Variants in OMA1 observed in about 807,000 individuals in gnomAD.
OMA1 encodes the protein OMA1 zinc metallopeptidase, also known as metalloendopeptidase OMA1, mitochondrial.
Under a neutral mutation model 30.9 loss-of-function variants are expected in OMA1, and 38 were observed. The ratio of observed to expected loss-of-function variants is 1.23; its 90% CI spans 0.95 to 1.61. OMA1 has a LOEUF of 1.61. Among genes scored for constraint, OMA1 ranks in the 40% most tolerant of loss-of-function variants. The pLI, the probability that OMA1 is intolerant of heterozygous loss-of-function variation, is 0.00. For synonymous variants in OMA1, 173 were observed against 121.9 expected (o/e 1.42, Z -2.76); for missense variants, 461 against 349.2 (o/e 1.32, Z -2.55).
At chr1:58,533,343 T>C (rs1646465800) in intron 5 of OMA1, among the ~76,000 whole-genome samples, 1 of 152,242 alleles carries the variant, frequency 6.6e-6, no homozygotes, top group Non-Finnish European at 1.5e-5. Flanking sequence ...AGGTTAGTCA[T>C]GTTACTGTTT....
intron 8 of OMA1, among the ~76,000 whole-genome samples, chr1:58,486,749 C>T (rs961554147): frequency 6.6e-5 from 10 of 152,126 alleles, no homozygotes; most frequent in African/African-American, 2.2e-4. Flanking sequence ...TCAAAGAAAG[C>T]CTCCCCAGGA....
Position 58,482,945 on chromosome 1 carries a change from G to T in OMA1, c.1366-1771C>A, listed in dbSNP as rs147362525. On this transcript the variant is annotated intron_variant, in intron 8 of 8. Coordinates refer to ENST00000371226, the MANE Select transcript of OMA1 (RefSeq NM_145243.5). ...CTAATATTTGTGGGGTCCATGGAAA[G>T]AATGAAAATGGAGGCCCAGATACCA... Among the ~76,000 whole-genome samples the T allele has an allele frequency of 1.6e-3, 245 of 152,254 alleles. 1 individual carries two copies. The highest frequency in any genetic ancestry group is 5.8e-3 in the African/African-American group (240 of 41,552).
rs1646367639 is a variant in OMA1, at chr1:58,527,304, A to G, written c.1172T>C (p.Leu391Ser). The change falls in exon 7 of 9, where the codon TTG becomes TCG. Residue 391 changes from leucine to serine, a missense_variant. By Grantham distance (145) the Leu-to-Ser change is moderately radical (BLOSUM62 -2). Transcript: ENST00000371226. ...YMFNRPYSRK[L>S]EAEADKIGLL... ...TCCAATTTTGTCAGCTTCGGCCTCC[A>G]ATTTTCTGCTGTATGGTCTATTAAA... is the stretch of plus-strand genomic sequence containing the variant. The G allele has an allele frequency of 1.1e-6, 1 of 872,166 alleles. No homozygotes were observed. The highest frequency in any genetic ancestry group is 1.7e-5 in the Admixed American group (1 of 59,172). The allele number at this position is 872,166 out of a possible 1,614,324, so 54.0% of individuals were successfully genotyped here.
intron 8 of OMA1, among the ~76,000 whole-genome samples, chr1:58,505,215 A>G (rs1353852626): frequency 2.0e-5 from 3 of 152,178 alleles, no homozygotes; most frequent in Non-Finnish European, 2.9e-5. Flanking sequence ...GCCTCCCAAA[A>G]TGCTGGGATA....
intron 8 of OMA1, among the ~76,000 whole-genome samples, chr1:58,486,859 A>G (rs908214776): frequency 1.3e-5 from 2 of 152,176 alleles, no homozygotes; most frequent in Non-Finnish European, 2.9e-5. Context: ...TGGGGGACAT[A>G]CCCTGGTCTT....
chr1:58,483,347 T>C (rs925693355), intron 8 of OMA1, among the ~76,000 whole-genome samples: 2 of 152,128 alleles, frequency 1.3e-5, no homozygotes, highest in Non-Finnish European at 2.9e-5. Flanking sequence ...AACATTTCAT[T>C]GAGTCCCACA....
chr1:58,543,223 C>T (rs537980805), intron 1 of OMA1, among the ~76,000 whole-genome samples: 3 of 152,230 alleles, frequency 2.0e-5, no homozygotes, highest in South Asian at 2.1e-4. Context: ...ATCTCTAAGA[C>T]GTTTACATGG....
intron 8 of OMA1, among the ~76,000 whole-genome samples, chr1:58,483,374 A>G (rs891428377): frequency 1.3e-5 from 2 of 152,166 alleles, no homozygotes; most frequent in Non-Finnish European, 2.9e-5. Flanking sequence ...AGGGACTTGT[A>G]GTCAGATGCG....
At chr1:58,488,977 C>A (rs1169182224) in intron 8 of OMA1, among the ~76,000 whole-genome samples, 1 of 152,196 alleles carries the variant, frequency 6.6e-6, no homozygotes, top group Non-Finnish European at 1.5e-5. Context: ...CCAAGATGGC[C>A]AAATAGGAAC....
chr1:58,519,163 T>C (rs1296794242), intron 7 of OMA1, among the ~76,000 whole-genome samples: 1 of 152,138 alleles, frequency 6.6e-6, no homozygotes, highest in Non-Finnish European at 1.5e-5. Context: ...TTTTTAAAAG[T>C]CTCCACAATG....
At chr1:58,490,413 A>T (rs946302331) in intron 8 of OMA1, among the ~76,000 whole-genome samples, 3 of 152,332 alleles carry the variant, frequency 2.0e-5, no homozygotes, top group African/African-American at 7.2e-5. Flanking sequence ...AAAGAAATGA[A>T]CAAAGCCTCC....
At chr1:58,519,373 T>C (rs894059779) in intron 7 of OMA1, among the ~76,000 whole-genome samples, 1 of 152,162 alleles carries the variant, frequency 6.6e-6, no homozygotes, top group Non-Finnish European at 1.5e-5. Context: ...ACAGGATTCA[T>C]CTGCAGACAC....
At chr1:58,521,470 TAG>T (rs1452686846) in intron 7 of OMA1, among the ~76,000 whole-genome samples, 1 of 150,954 alleles carries the variant, frequency 6.6e-6, no homozygotes, top group Admixed American at 6.6e-5. Context: ...AATTATATAA[TAG>T]AGACAATAAG....
intron 8 of OMA1, among the ~76,000 whole-genome samples, chr1:58,487,282 A>G (rs1390093362): frequency 1.3e-5 from 2 of 152,238 alleles, no homozygotes; most frequent in African/African-American, 4.8e-5. Context: ...ACTGAAGATG[A>G]GTCCTAAATT....
chr1:58,544,968 T>TG (rs1357963170), intron 1 of OMA1, among the ~76,000 whole-genome samples: 1 of 152,152 alleles, frequency 6.6e-6, no homozygotes, highest in Admixed American at 6.5e-5. Flanking sequence ...TTTTAACTCC[T>TG]GGGCTCAACT....
At chr1:58,539,412 CAT>C in intron 1 of OMA1, 102 bp from the exon 2 acceptor site, 1 of 635,652 alleles carries the variant, frequency 1.6e-6, no homozygotes, top group South Asian at 2.0e-5. Context: ...TCTTCTAACA[CAT>C]CTCAGGCTAA....
intron 7 of OMA1, among the ~76,000 whole-genome samples, chr1:58,513,154 C>T (rs1171187516): frequency 6.6e-6 from 1 of 152,038 alleles, no homozygotes; most frequent in Non-Finnish European, 1.5e-5. Flanking sequence ...CAGCAGTTCC[C>T]CCATGCTGTT....
chr1:58,492,439 G>A (rs1266090150), intron 8 of OMA1, among the ~76,000 whole-genome samples: 1 of 152,086 alleles, frequency 6.6e-6, no homozygotes, highest in Non-Finnish European at 1.5e-5. Context: ...AGGAAATAGA[G>A]ACACAAAAAA....
At chr1:58,491,546 T>C (rs370106331) in intron 8 of OMA1, among the ~76,000 whole-genome samples, 17,702 of 151,646 alleles carry the variant, frequency 0.12, 1,210 homozygotes, top group African/African-American at 0.18. Context: ...CACACATAGG[T>C]TCAAAATAAA....
Sources: gnomAD v4.1 joint callset for allele counts (sites outside exome capture counted in the v4.1 genomes callset) on GRCh38, gnomAD v4.1.1 for gene constraint, MANE v1.5 for transcripts, NCBI Gene and HGNC (gene_info 2026-07-23, HGNC 2026-07-21) for gene names.